The following SEPTIN10 variants were observed in gnomAD, a reference collection of about 807,000 sequenced individuals.
SEPTIN10 encodes the protein septin 10, also known as septin-10.
SEPTIN10 carries 66 observed loss-of-function variants against 54.8 expected under a neutral mutation model. The observed-to-expected ratio is 1.21, with a 90% CI of 0.99 to 1.48. The LOEUF is 1.48. Among genes scored for constraint, SEPTIN10 ranks in the 40% most tolerant of loss-of-function variants. SEPTIN10 has a pLI of 0.00. For synonymous variants in SEPTIN10, 161 were observed against 181.0 expected (o/e 0.89, Z 0.89); for missense variants, 620 against 545.6 (o/e 1.14, Z -1.36).
chr2:109,593,232 A>G, intron 1 of SEPTIN10, 113 bp from the exon 2 acceptor site: 1 of 609,424 alleles, frequency 1.6e-6, no homozygotes, highest in South Asian at 4.3e-5. Flanking sequence ...TGTTATCACC[A>G]AGTTTTGATG....
intron 9 of SEPTIN10, among the ~76,000 whole-genome samples, chr2:109,548,620 CA>C (rs1681962890): frequency 6.6e-6 from 1 of 151,708 alleles, no homozygotes; most frequent in Non-Finnish European, 1.5e-5. Flanking sequence ...TACTAAAATA[CA>C]AAAAATTAAC....
intron 2 of SEPTIN10, among the ~76,000 whole-genome samples, chr2:109,586,858 T>A (rs1692675773): frequency 2.0e-5 from 3 of 152,180 alleles, no homozygotes; most frequent in Admixed American, 2.0e-4. Flanking sequence ...TAACAAAGCC[T>A]GTAACAAGGC....
intron 1 of SEPTIN10, among the ~76,000 whole-genome samples, chr2:109,607,562 C>T (rs879548137): frequency 2.6e-5 from 4 of 152,116 alleles, no homozygotes; most frequent in African/African-American, 9.7e-5. Context: ...TTCTTTAGTA[C>T]TGGATTCCTC....
chr2:109,596,993 G>T (rs949273785), intron 1 of SEPTIN10, among the ~76,000 whole-genome samples: 10 of 152,056 alleles, frequency 6.6e-5, no homozygotes, highest in Admixed American at 5.9e-4. Flanking sequence ...ACCCAAGCTG[G>T]AGTGCAGTGG....
chr2:109,594,562 T>C (rs1254690292), intron 1 of SEPTIN10: 3 of 151,666 alleles, frequency 2.0e-5, no homozygotes, highest in African/African-American at 7.3e-5. Context: ...CTCTGTATAC[T>C]ACAGTGTGGT....
intron 1 of SEPTIN10, among the ~76,000 whole-genome samples, chr2:109,596,392 T>G (rs1178107584): frequency 6.6e-6 from 1 of 151,806 alleles, no homozygotes; most frequent in Non-Finnish European, 1.5e-5. Flanking sequence ...CCGAGGTGGG[T>G]GGATCATGAG....
chr2:109,585,356 T>C (rs773756452), intron 3 of SEPTIN10, 35 bp from the exon 4 acceptor site: 4 of 1,499,390 alleles, frequency 2.7e-6, no homozygotes, highest in East Asian at 2.3e-5. Flanking sequence ...TATGGTTGCA[T>C]GAATGGCTGA....
intron 1 of SEPTIN10, among the ~76,000 whole-genome samples, chr2:109,607,615 T>C (rs577766568): frequency 6.6e-6 from 1 of 152,302 alleles, no homozygotes; most frequent in East Asian, 1.9e-4. Context: ...TTAATAAAAA[T>C]TAAATCTGTT....
chr2:109,545,437 C>A (rs1279662006), intron 10 of SEPTIN10: 22 of 1,535,992 alleles, frequency 1.4e-5, no homozygotes, highest in Non-Finnish European at 1.9e-5. Flanking sequence ...ATGGCTGCCC[C>A]CTTGCACTGT....
rs543344099 is a variant in SEPTIN10, at chr2:109,574,574, A to T, written c.600+7T>A. ...GTATGGTAAGTTGATTCCTTTCCTC[A>T]ACCCACCTTGCTGTCAAGGTTCTTC... On this transcript the variant is annotated splice_region_variant and intron_variant, in intron 5 of 10. Coordinates refer to ENST00000397712, the MANE Select transcript of SEPTIN10 (RefSeq NM_144710.5). 6.7e-7 allele frequency: 1 copy of T among 1,496,254 alleles called. No homozygotes were observed. Among genetic ancestry groups the T allele is most frequent in the Non-Finnish European group, 8.9e-7 (1 of 1,123,228 alleles). The allele number at this position is 1,496,254 out of a possible 1,614,324, so 92.7% of individuals were successfully genotyped here.
At chr2:109,549,587 G>A (rs1280288721) in intron 9 of SEPTIN10, among the ~76,000 whole-genome samples, 1 of 152,064 alleles carries the variant, frequency 6.6e-6, no homozygotes, top group African/African-American at 2.4e-5. Flanking sequence ...TTAAAAACAA[G>A]GGATCTTTTG....
At position 109,574,704 on chromosome 2, in the gene SEPTIN10, C is replaced by A. The variant is rs2105443075; in HGVS notation, c.477G>T (p.Lys159Asn). The A allele has an allele frequency of 6.2e-7, 1 of 1,606,998 alleles. No homozygotes were observed. The highest frequency in any genetic ancestry group is 8.5e-7 in the Non-Finnish European group (1 of 1,176,740). The change falls in exon 5 of 11, where the codon AAG (lysine) becomes AAT (asparagine). Residue 159 changes from lysine to asparagine, a missense_variant. By Grantham distance (94) the Lys-to-Asn change is moderately conservative. Transcript: ENST00000397712. ...QFEAYLQEELKIKRSLFTYHD... is the reference protein window; with the variant it reads ...QFEAYLQEELNIKRSLFTYHD... ...GGTAGGTAAAGAGAGAACGCTTAATCTTCAGTTCTTCTTGGAGATAGGCCT... is the reference window on the plus strand; with the variant it reads ...GGTAGGTAAAGAGAGAACGCTTAATATTCAGTTCTTCTTGGAGATAGGCCT...
At chr2:109,604,120 C>T (rs1400441434) in intron 1 of SEPTIN10, among the ~76,000 whole-genome samples, 1 of 147,422 alleles carries the variant, frequency 6.8e-6, no homozygotes, top group African/African-American at 2.5e-5. Flanking sequence ...CGAGATCATG[C>T]CACTGCACTC....
chr2:109,593,140 C>T (rs200045785), intron 1 of SEPTIN10, 21 bp from the exon 2 acceptor site: 2 of 1,555,878 alleles, frequency 1.3e-6, no homozygotes, highest in Non-Finnish European at 1.7e-6. Context: ...AATACAAAGG[C>T]TTAAAAGGAA....
chr2:109,570,852 G>C (rs1050991806), intron 5 of SEPTIN10, among the ~76,000 whole-genome samples: 1 of 152,092 alleles, frequency 6.6e-6, no homozygotes, highest in African/African-American at 2.4e-5. Flanking sequence ...GTAATCTAGA[G>C]ATTATTTAAA....
chr2:109,557,045 T>C (rs1409392920), intron 8 of SEPTIN10, among the ~76,000 whole-genome samples: 2 of 151,936 alleles, frequency 1.3e-5, no homozygotes, highest in East Asian at 3.9e-4. Flanking sequence ...GCGGGAGGGA[T>C]AGCATTAGGA....
At position 109,613,781 on chromosome 2, in the gene SEPTIN10, G is replaced by C; in HGVS notation, c.30+17C>G. The C allele has an allele frequency of 8.2e-7, 1 of 1,223,772 alleles. No homozygotes were observed. Among genetic ancestry groups the C allele is most frequent in the Non-Finnish European group, 1.0e-6 (1 of 982,490 alleles). The allele number at this position is 1,223,772 out of a possible 1,614,324, so 75.8% of individuals were successfully genotyped here. On this transcript the variant is annotated intron_variant, in intron 1 of 10. Transcript: ENST00000397712. The stretch of plus-strand genomic sequence containing the variant: ...CGGGGAGCGCGGGGCTGGGGCCCCG[G>C]CGTCGGCGGGACTCACCAGGTGCCG...
chr2:109,588,663 G>C (rs1428710683), intron 2 of SEPTIN10, among the ~76,000 whole-genome samples: 3 of 151,814 alleles, frequency 2.0e-5, no homozygotes, highest in Admixed American at 2.0e-4. Context: ...GCTAATTTTT[G>C]TATTTTTAAT....
rs1219524332 is a variant in SEPTIN10, at chr2:109,543,448, TTAAA to T, written c.*857_*860del. On this transcript the variant is annotated 3_prime_UTR_variant, in exon 11 of 11. Transcript: ENST00000397712. ...CATAATAAAGCATGAAGTCATCATA[TTAAA>T]TAATCTGACACAAAAGCTTAAGATC... The T allele has an allele frequency of 1.3e-5, 2 of 152,208 alleles. No homozygotes were observed. Among genetic ancestry groups the T allele is most frequent in the Non-Finnish European group, 2.9e-5 (2 of 68,020 alleles). 9.4% of individuals were successfully genotyped at this position (152,208 alleles called of 1,614,324 possible). A position where few individuals can be genotyped will look rare whatever the true frequency, so the allele number is the denominator to read the frequency against.
Sources: gnomAD v4.1 joint callset for allele counts (sites outside exome capture counted in the v4.1 genomes callset) on GRCh38, gnomAD v4.1.1 for gene constraint, MANE v1.5 for transcripts, NCBI Gene and HGNC (gene_info 2026-07-23, HGNC 2026-07-21) for gene names.